The following SLC18A1 variants were observed in gnomAD, a reference collection of about 807,000 sequenced individuals.
SLC18A1 encodes the protein solute carrier family 18 member A1, also known as chromaffin granule amine transporter.
A neutral mutation model predicts 53.7 loss-of-function variants in SLC18A1; 69 were observed. That is an observed-to-expected ratio of 1.28 (90% CI 1.06 to 1.57). The LOEUF (loss-of-function observed/expected upper bound fraction) is 1.57. Among genes scored for constraint, SLC18A1 ranks in the 40% most tolerant of loss-of-function variants. The pLI, the probability that SLC18A1 is intolerant of heterozygous loss-of-function variation, is 0.00. For missense variants in SLC18A1, 932 were observed against 668.1 expected, an observed-to-expected ratio of 1.40 and a Z score of -4.35; for synonymous variants, 320 against 248.1, an observed-to-expected ratio of 1.29 and a Z score of -2.72.
At position 20,166,316 on chromosome 8, in the gene SLC18A1, TATATATATATATATAC is replaced by T. The variant is rs1240631776; in HGVS notation, c.859-1225_859-1210del. 9.4e-4 allele frequency among the ~76,000 whole-genome samples: 91 copies of T among 96,738 alleles called. 1 individual carries two copies. The highest frequency in any genetic ancestry group is 1.2e-3 in the African/African-American group (27 of 22,372). 63.5% of individuals were successfully genotyped at this position (96,738 alleles called of 152,430 possible). The stretch of plus-strand genomic sequence containing the variant: ...ATATATATATATATATATATATATA[TATATATATATATATAC>T]ACCACCAGGTGGAAAATAATAAGGA... On this transcript the variant is annotated intron_variant, in intron 8 of 15. Transcript: ENST00000276373.
At chr8:20,151,660 A>G (rs919558863) in intron 10 of SLC18A1, among the ~76,000 whole-genome samples, 1 of 152,196 alleles carries the variant, frequency 6.6e-6, no homozygotes, top group South Asian at 2.1e-4. Flanking sequence ...GCTTTTTGTG[A>G]CAGTAGAGGG....
Position 20,145,475 on chromosome 8 carries a change from C to T in SLC18A1, c.*288G>A. ...CCTCTATGCAATGAGTCACCCCTTGCAGAACCCGTCACAGCTCAAGTTTAA... is the reference window on the plus strand; with the variant it reads ...CCTCTATGCAATGAGTCACCCCTTGTAGAACCCGTCACAGCTCAAGTTTAA... On this transcript the variant is annotated 3_prime_UTR_variant, in exon 16 of 16. Transcript: ENST00000276373. The T allele has an allele frequency of 3.9e-6, 1 of 257,010 alleles. No individual in the cohort carries two copies. The highest frequency in any genetic ancestry group is 7.4e-6 in the Non-Finnish European group (1 of 135,152). 15.9% of individuals were successfully genotyped at this position (257,010 alleles called of 1,614,324 possible). A position where few individuals can be genotyped will look rare whatever the true frequency, so the allele number is the denominator to read the frequency against.
intron 14 of SLC18A1, 75 bp downstream of exon 14, chr8:20,147,528 A>T: frequency 1.2e-6 from 2 of 1,601,178 alleles, no homozygotes; most frequent in Non-Finnish European, 1.7e-6. Context: ...CCCTAGGAGG[A>T]TAGCTTCCTG....
intron 10 of SLC18A1, among the ~76,000 whole-genome samples, chr8:20,158,802 T>G (rs923385049): frequency 5.3e-5 from 8 of 152,070 alleles, no homozygotes; most frequent in Non-Finnish European, 1.0e-4. Context: ...GGAAGCAGAG[T>G]GACTCACAGT....
intron 6 of SLC18A1, 101 bp downstream of exon 6, chr8:20,172,935 G>T: frequency 1.2e-6 from 1 of 802,122 alleles, no homozygotes; most frequent in Non-Finnish European, 2.1e-6. Flanking sequence ...ATAGGATGAG[G>T]CCAACAAGGG....
intron 10 of SLC18A1, among the ~76,000 whole-genome samples, chr8:20,157,090 G>A (rs1244833013): frequency 6.6e-6 from 1 of 152,138 alleles, no homozygotes; most frequent in Non-Finnish European, 1.5e-5. Context: ...TCCCTGGGTG[G>A]TTACACACCC....
rs2072169858 is a variant in SLC18A1 at position 20,173,200 on chromosome 8, A to G, written c.632-72T>C. The G allele has an allele frequency of 2.7e-6, 3 of 1,096,658 alleles. No individual in the cohort carries two copies. In the East Asian group the frequency reaches 7.8e-5, roughly 28 times the overall value. 67.9% of individuals were successfully genotyped at this position (1,096,658 alleles called of 1,614,324 possible). A position where few individuals can be genotyped will look rare whatever the true frequency, so the allele number is the denominator to read the frequency against. ...TCCGCCTCTCAGAGCCCTTGGTCCC[A>G]CCCTGTTATCTCTTCAGTGACAATC... is the stretch of plus-strand genomic sequence containing the variant. On this transcript the variant is annotated intron_variant, in intron 5 of 15. Coordinates refer to ENST00000276373, the MANE Select transcript of SLC18A1 (RefSeq NM_003053.4).
chr8:20,148,007 C>G lies in SLC18A1; in HGVS notation c.1210G>C (p.Gly404Arg), dbSNP rs2071446203. The G allele has an allele frequency of 6.2e-7, 1 of 1,614,034 alleles. No homozygotes were observed. The highest frequency in any genetic ancestry group is 8.5e-7 in the Non-Finnish European group (1 of 1,179,976). Residue 404 changes from glycine to arginine, a missense_variant and splice_region_variant, in exon 13 of 16, where the codon GGC becomes CGC. Physicochemically the swap from Gly to Arg is moderately radical, Grantham distance 125. Transcript: ENST00000276373. ...TGTTTTCTTTGAGGGCACTTCTTACCTATGGCAAGGCCAAGCCCTGCATTG... is the reference window on the plus strand; with the variant it reads ...TGTTTTCTTTGAGGGCACTTCTTACGTATGGCAAGGCCAAGCCCTGCATTG... ...GPNAGLGLAI[G>R]MVDSSMMPIM...
chr8:20,147,290 G>T lies in SLC18A1; in HGVS notation c.1432C>A (p.Leu478Met). ...TCTTCCTTTGCCGGGGGGCTCCGCA[G>T]GTAGTAGCAGAGTGGAGCATAGACG... is the stretch of plus-strand genomic sequence containing the variant. The part of the protein sequence containing the change: ...NIVYAPLCYY[L>M]RSPPAKEEKL... The change falls in exon 15 of 16, where the codon CTG becomes ATG. Residue 478 changes from leucine to methionine, a missense_variant. Physicochemically the swap from Leu to Met is conservative, Grantham distance 15. Coordinates refer to ENST00000276373, the MANE Select transcript of SLC18A1 (RefSeq NM_003053.4). 1 of 1,611,472 alleles carries T rather than the reference G, an allele frequency of 6.2e-7. No individual in the cohort carries two copies. Among genetic ancestry groups the T allele is most frequent in the South Asian group, 1.1e-5 (1 of 90,684 alleles).
chr8:20,144,887 A>G lies in SLC18A1; in HGVS notation c.*876T>C, dbSNP rs367573642. On this transcript the variant is annotated 3_prime_UTR_variant, in exon 16 of 16. Coordinates refer to ENST00000276373, the MANE Select transcript of SLC18A1 (RefSeq NM_003053.4). The stretch of plus-strand genomic sequence containing the variant: ...GGCAATAATGTATTTATTAGCAAGT[A>G]TGAACAATGTCACATTACACCCCTC... 1 of 152,236 alleles carries G rather than the reference A, an allele frequency of 6.6e-6. No homozygotes were observed. Among genetic ancestry groups the G allele is most frequent in the Non-Finnish European group, 1.5e-5 (1 of 68,048 alleles). The allele number at this position is 152,236 out of a possible 1,614,324, so 9.4% of individuals were successfully genotyped here.
chr8:20,169,739 C>T (rs1274090710), intron 8 of SLC18A1, among the ~76,000 whole-genome samples: 4 of 151,992 alleles, frequency 2.6e-5, no homozygotes, highest in Non-Finnish European at 5.9e-5. Flanking sequence ...ATTAGCTGGG[C>T]ATGGTGGTGC....
At chr8:20,166,149 A>G (rs1362813359) in intron 8 of SLC18A1, among the ~76,000 whole-genome samples, 1 of 151,928 alleles carries the variant, frequency 6.6e-6, no homozygotes, top group African/African-American at 2.4e-5. Context: ...TGACAACATT[A>G]TAAACATGCA....
intron 10 of SLC18A1, among the ~76,000 whole-genome samples, chr8:20,162,996 A>G (rs1244877782): frequency 6.6e-6 from 1 of 152,104 alleles, no homozygotes; most frequent in Non-Finnish European, 1.5e-5. Context: ...GTCTTAGTCC[A>G]TTTTCTGCTG....
At chr8:20,174,074 C>CT (rs943276145) in intron 5 of SLC18A1, among the ~76,000 whole-genome samples, 60 of 151,604 alleles carry the variant, frequency 4.0e-4, no homozygotes, top group African/African-American at 7.0e-4. Context: ...CTTATTCTCT[C>CT]TTTTTTTTAA....
At chr8:20,176,181 G>A (rs891340568) in intron 4 of SLC18A1, among the ~76,000 whole-genome samples, 1 of 152,110 alleles carries the variant, frequency 6.6e-6, no homozygotes, top group Non-Finnish European at 1.5e-5. Flanking sequence ...ATACTTTAAT[G>A]TCTTCCTTTG....
At chr8:20,150,928 T>A in intron 10 of SLC18A1, 184 bp from the exon 11 acceptor site, 1 of 598,610 alleles carries the variant, frequency 1.7e-6, no homozygotes, top group Non-Finnish European at 3.0e-6. Flanking sequence ...CACCTCTCCT[T>A]TCTTCAGGAG....
intron 10 of SLC18A1, among the ~76,000 whole-genome samples, chr8:20,163,390 G>C (rs1339797451): frequency 2.0e-5 from 3 of 152,154 alleles, no homozygotes; most frequent in East Asian, 3.9e-4. Context: ...AGAGGTCAAA[G>C]AGGTTAAATA....
At chr8:20,168,646 G>A (rs1264402637) in intron 8 of SLC18A1, among the ~76,000 whole-genome samples, 1 of 152,030 alleles carries the variant, frequency 6.6e-6, no homozygotes, top group Admixed American at 6.5e-5. Context: ...GTGGCTTACT[G>A]CAACCTCCGC....
chr8:20,166,925 G>A (rs1192367227), intron 8 of SLC18A1, among the ~76,000 whole-genome samples: 3 of 152,176 alleles, frequency 2.0e-5, no homozygotes, highest in Non-Finnish European at 4.4e-5. Flanking sequence ...AGGACGCACT[G>A]AGAAGGTGGC....
Sources: allele counts gnomAD v4.1 joint callset (sites outside exome capture counted in the v4.1 genomes callset), GRCh38; gene constraint gnomAD v4.1.1; transcripts MANE v1.5; gene names NCBI Gene and HGNC (gene_info 2026-07-23, HGNC 2026-07-21).